The following KCNMB2 variants were observed in gnomAD, a reference collection of about 807,000 sequenced individuals.
KCNMB2 encodes the protein calcium-activated potassium channel subunit beta-2.
In KCNMB2, 9 loss-of-function variants were observed where a neutral mutation model predicts 24.5. The ratio of observed to expected loss-of-function variants is 0.37; its 90% CI spans 0.22 to 0.64. The LOEUF is 0.64. KCNMB2 is among the 30% of genes least tolerant of loss of function. KCNMB2 has a pLI of 0.63. For missense variants in KCNMB2, 226 were observed against 284.3 expected, an observed-to-expected ratio of 0.79 and a Z score of 1.47; for synonymous variants, 109 against 104.4, an observed-to-expected ratio of 1.04 and a Z score of -0.27.
chr3:178,767,529 C>A (rs967807147), intron 1 of KCNMB2, among the ~76,000 whole-genome samples: 5 of 152,196 alleles, frequency 3.3e-5, no homozygotes, highest in Admixed American at 2.6e-4. Flanking sequence ...CCACATAAAT[C>A]TGTTCCATCT....
intron 1 of KCNMB2, among the ~76,000 whole-genome samples, chr3:178,662,101 G>A (rs1409171466): frequency 1.3e-5 from 2 of 152,180 alleles, no homozygotes; most frequent in South Asian, 2.1e-4. Flanking sequence ...AACTCTAGAT[G>A]TGAATAAATA....
chr3:178,591,350 G>A (rs561101787), intron 1 of KCNMB2, among the ~76,000 whole-genome samples: 6 of 152,106 alleles, frequency 3.9e-5, no homozygotes, highest in Non-Finnish European at 7.4e-5. Flanking sequence ...GGTTTTCATC[G>A]CTTTTCCCTT....
At chr3:178,775,047 A>G (rs1045543673) in intron 1 of KCNMB2, among the ~76,000 whole-genome samples, 4 of 152,210 alleles carry the variant, frequency 2.6e-5, no homozygotes, top group Non-Finnish European at 4.4e-5. Context: ...CACTTTCTTT[A>G]TGCCACATGA....
chr3:178,578,052 G>A (rs1717058956), intron 1 of KCNMB2, among the ~76,000 whole-genome samples: 1 of 152,144 alleles, frequency 6.6e-6, no homozygotes, highest in Non-Finnish European at 1.5e-5. Flanking sequence ...TCCTTGAGAA[G>A]AGCAACCCCA....
intron 1 of KCNMB2, among the ~76,000 whole-genome samples, chr3:178,553,598 C>G (rs1716029042): frequency 1.3e-5 from 2 of 151,720 alleles, no homozygotes; most frequent in Admixed American, 1.3e-4. Context: ...GTGGCACCAC[C>G]TCAGCTCACG....
intron 1 of KCNMB2, among the ~76,000 whole-genome samples, chr3:178,582,942 A>G (rs1287494923): frequency 6.6e-6 from 1 of 152,204 alleles, no homozygotes; most frequent in Non-Finnish European, 1.5e-5. Context: ...CAACTTCTCA[A>G]TGGTAAAACT....
intron 1 of KCNMB2, among the ~76,000 whole-genome samples, chr3:178,783,982 A>T (rs983755694): frequency 7.2e-5 from 11 of 152,144 alleles, no homozygotes; most frequent in African/African-American, 2.7e-4. Context: ...TATCTAATTT[A>T]TTGAGATTTT....
At chr3:178,751,365 C>CG (rs1440437984) in intron 1 of KCNMB2, among the ~76,000 whole-genome samples, 1 of 151,732 alleles carries the variant, frequency 6.6e-6, no homozygotes, top group African/African-American at 2.4e-5. Context: ...TGGATCACAA[C>CG]GTCAGGAGTT....
intron 1 of KCNMB2, among the ~76,000 whole-genome samples, chr3:178,789,768 G>C (rs1372734724): frequency 6.6e-6 from 1 of 152,090 alleles, no homozygotes; most frequent in East Asian, 1.9e-4. Flanking sequence ...GTTCCAGCTA[G>C]CTCCATCACT....
intron 4 of KCNMB2, among the ~76,000 whole-genome samples, chr3:178,837,855 G>T (rs7620861): frequency 0.64 from 97,828 of 151,968 alleles, 33,416 homozygotes; most frequent in African/African-American, 0.87. Context: ...ATTGCCATTT[G>T]TCTGACAAAT....
In KCNMB2 at chr3:178,565,575, G is replaced by C. The variant is rs150970279; in HGVS notation, c.-68+28864G>C. Among the ~76,000 whole-genome samples, 43 of 152,354 alleles carry C rather than the reference G, an allele frequency of 2.8e-4. No individual in the cohort carries two copies. The East Asian group carries it at 6.8e-3, about 24-fold the overall frequency. ...AGATATGAAGATGGATACAAAGAAA[G>C]TGTTGTGTCACATGAGTTTGTTTTT... On this transcript the variant is annotated intron_variant, in intron 1 of 4. Coordinates refer to ENST00000452583, the MANE Select transcript of KCNMB2 (RefSeq NM_181361.3).
intron 1 of KCNMB2, among the ~76,000 whole-genome samples, chr3:178,701,769 C>T (rs1345274432): frequency 2.6e-5 from 4 of 152,166 alleles, no homozygotes; most frequent in Non-Finnish European, 5.9e-5. Flanking sequence ...CAGGAAACAA[C>T]AGGTGCTGGA....
intron 1 of KCNMB2, among the ~76,000 whole-genome samples, chr3:178,647,671 C>T (rs1308875858): frequency 6.6e-6 from 1 of 152,042 alleles, no homozygotes; most frequent in Non-Finnish European, 1.5e-5. Context: ...AGTAGGCTTC[C>T]CTTCATGATT....
In KCNMB2 at chr3:178,701,575, AAAAC is replaced by A. The variant is rs531635217; in HGVS notation, c.-67-105761_-67-105758del. Among the ~76,000 whole-genome samples the A allele has an allele frequency of 6.8e-3, 1,029 of 152,246 alleles. 10 individuals are homozygous for A. Among genetic ancestry groups the A allele is most frequent in the African/African-American group, 0.023 (964 of 41,500 alleles). The stretch of plus-strand genomic sequence containing the variant: ...AGAACTCAAACAAATTTACAAGAAA[AAAAC>A]AAACAACCCCATCAAAAAGTGGGTG... On this transcript the variant is annotated intron_variant, in intron 1 of 4. Transcript: ENST00000452583.
intron 1 of KCNMB2, among the ~76,000 whole-genome samples, chr3:178,616,348 C>T (rs891384318): frequency 6.6e-6 from 1 of 152,204 alleles, no homozygotes; most frequent in Non-Finnish European, 1.5e-5. Flanking sequence ...GAAGTTCATG[C>T]CACTGGGATC....
intron 1 of KCNMB2, among the ~76,000 whole-genome samples, chr3:178,562,538 T>C: frequency 6.6e-6 from 1 of 152,246 alleles, no homozygotes; most frequent in Non-Finnish European, 1.5e-5. Flanking sequence ...AAACCCTCTC[T>C]TTTTCCTCCA....
rs79511814 is a variant in KCNMB2 at position 178,822,168 on chromosome 3, A to G, written c.57-3420A>G. Among the ~76,000 whole-genome samples, 843 of 152,306 alleles carry G rather than the reference A, an allele frequency of 5.5e-3. 6 individuals carry two copies. Among genetic ancestry groups the G allele is most frequent in the African/African-American group, 0.019 (807 of 41,560 alleles). ...CCATAGGCATCTCAGTAATATTAAA[A>G]CAGTTGTAGTTTCTGATATTCACCA... On this transcript the variant is annotated intron_variant, in intron 2 of 4. Transcript: ENST00000452583.
At chr3:178,656,403 T>C (rs778744326) in intron 1 of KCNMB2, among the ~76,000 whole-genome samples, 29 of 152,152 alleles carry the variant, frequency 1.9e-4, no homozygotes, top group African/African-American at 7.0e-4. Context: ...AATAATGATA[T>C]TATAGCATAT....
At chr3:178,714,707 T>C (rs905750214) in intron 1 of KCNMB2, among the ~76,000 whole-genome samples, 5 of 152,220 alleles carry the variant, frequency 3.3e-5, no homozygotes, top group African/African-American at 9.6e-5. Context: ...GTGGGCAGTT[T>C]TGCTCTGGTG....
Sources: allele counts gnomAD v4.1 joint callset (sites outside exome capture counted in the v4.1 genomes callset), GRCh38; gene constraint gnomAD v4.1.1; transcripts MANE v1.5; gene names NCBI Gene and HGNC (gene_info 2026-07-23, HGNC 2026-07-21).